Variants in SVOPL observed in about 807,000 individuals in gnomAD.
SVOPL encodes the protein putative transporter SVOPL.
In SVOPL, 60 loss-of-function variants were observed where a neutral mutation model predicts 61.0. The ratio of observed to expected loss-of-function variants is 0.98; its 90% CI spans 0.80 to 1.22. SVOPL has a LOEUF of 1.22. Among genes scored for constraint, SVOPL ranks in the 50% most tolerant of loss-of-function variants. The pLI, the probability that SVOPL is intolerant of heterozygous loss-of-function variation, is 0.00. For missense variants in SVOPL, 662 were observed against 643.9 expected (o/e 1.03, Z -0.30); for synonymous variants, 279 against 250.0 (o/e 1.12, Z -1.09).
intron 9 of SVOPL, among the ~76,000 whole-genome samples, chr7:138,641,835 ACATAT>A (rs1800814215): frequency 1.0e-4 from 2 of 20,070 alleles, no homozygotes; most frequent in Non-Finnish European, 2.7e-4. Flanking sequence ...TATATATATA[ACATAT>A]ATATATAACA....
intron 12 of SVOPL, among the ~76,000 whole-genome samples, chr7:138,626,684 A>G (rs1799906718): frequency 1.3e-5 from 2 of 151,936 alleles, no homozygotes; most frequent in Admixed American, 6.6e-5. Flanking sequence ...TGAGTCACCA[A>G]ATTTTTTTTC....
intron 1 of SVOPL, among the ~76,000 whole-genome samples, chr7:138,693,704 G>T (rs976572921): frequency 3.3e-5 from 5 of 151,040 alleles, no homozygotes; most frequent in African/African-American, 1.2e-4. Flanking sequence ...AGGAAGGGAG[G>T]CAGGGAGGGA....
At chr7:138,672,797 A>C (rs1048139643) in intron 3 of SVOPL, among the ~76,000 whole-genome samples, 8 of 151,878 alleles carry the variant, frequency 5.3e-5, no homozygotes, top group Non-Finnish European at 1.0e-4. Context: ...AGCCTAAGAA[A>C]ATGTGTATTT....
chr7:138,627,288 G>A (rs1421074511), intron 12 of SVOPL, 62 bp downstream of exon 12: 10 of 1,252,238 alleles, frequency 8.0e-6, no homozygotes, highest in Non-Finnish European at 1.0e-5. Context: ...TGAACACCAT[G>A]GGTCAGGAGA....
At chr7:138,635,304 T>C (rs1292471144) in intron 9 of SVOPL, among the ~76,000 whole-genome samples, 1 of 151,306 alleles carries the variant, frequency 6.6e-6, no homozygotes, top group Non-Finnish European at 1.5e-5. Flanking sequence ...GGTAAATTGC[T>C]TGTTATGTAT....
chr7:138,641,857 TA>T (rs1800818378), intron 9 of SVOPL, among the ~76,000 whole-genome samples: 1 of 145,116 alleles, frequency 6.9e-6, no homozygotes, highest in Non-Finnish European at 1.5e-5. Flanking sequence ...AACATATATA[TA>T]GTCAATGAGT....
chr7:138,620,124 G>T (rs2353827), intron 14 of SVOPL, among the ~76,000 whole-genome samples: 8,994 of 114,222 alleles, frequency 0.079, 480 homozygotes, highest in African/African-American at 0.16. Context: ...TTTCTGTTTT[G>T]TTTTTTTTTT....
chr7:138,665,626 A>G (rs1802231778), intron 4 of SVOPL, among the ~76,000 whole-genome samples: 1 of 152,186 alleles, frequency 6.6e-6, no homozygotes, highest in Non-Finnish European at 1.5e-5. Flanking sequence ...GTCATGTACT[A>G]TAAAAAACGG....
At chr7:138,651,914 T>C (rs1801456734) in intron 7 of SVOPL, among the ~76,000 whole-genome samples, 1 of 152,212 alleles carries the variant, frequency 6.6e-6, no homozygotes, top group South Asian at 2.1e-4. Flanking sequence ...TTTCTTTCTT[T>C]ACCGAGACAG....
intron 5 of SVOPL, chr7:138,660,672 T>TG: frequency 1.0e-6 from 1 of 985,440 alleles, no homozygotes; most frequent in Non-Finnish European, 1.2e-6. Flanking sequence ...ATGCCCTCTC[T>TG]GATATCTTTA....
chr7:138,675,985 C>T (rs1168321920), intron 3 of SVOPL, among the ~76,000 whole-genome samples: 3 of 152,152 alleles, frequency 2.0e-5, no homozygotes. Context: ...ATTACAGACA[C>T]ATGCCACCAC....
chr7:138,628,494 CACAGAG>C, intron 10 of SVOPL, 131 bp from the exon 11 acceptor site: 1 of 858,264 alleles, frequency 1.2e-6, no homozygotes, highest in South Asian at 1.7e-5. Context: ...TCAGACGCCA[CACAGAG>C]CATTCGTGGA....
intron 14 of SVOPL, among the ~76,000 whole-genome samples, chr7:138,618,489 G>A (rs563293888): frequency 2.0e-5 from 3 of 152,016 alleles, no homozygotes; most frequent in Non-Finnish European, 4.4e-5. Context: ...GCGAAACCCC[G>A]TCTCTACTAA....
At chr7:138,667,670 A>G (rs1802303214) in intron 4 of SVOPL, among the ~76,000 whole-genome samples, 2 of 152,148 alleles carry the variant, frequency 1.3e-5, no homozygotes, top group Admixed American at 1.3e-4. Context: ...TTTAAAAGAG[A>G]GTATAAATCC....
At chr7:138,604,306 A>C (rs1395294439) in intron 14 of SVOPL, among the ~76,000 whole-genome samples, 1 of 152,184 alleles carries the variant, frequency 6.6e-6, no homozygotes, top group Non-Finnish European at 1.5e-5. Flanking sequence ...TACTTCTATG[A>C]AGCTTTACAA....
chr7:138,635,098 C>T (rs1394575776), intron 9 of SVOPL, among the ~76,000 whole-genome samples: 1 of 151,930 alleles, frequency 6.6e-6, no homozygotes, highest in Non-Finnish European at 1.5e-5. Context: ...CATGGAGAAA[C>T]CCCATCTCTA....
rs780084942 is a variant in SVOPL, at chr7:138,628,371, A to T, written c.864-8T>A. On this transcript the variant is annotated splice_region_variant and splice_polypyrimidine_tract_variant and intron_variant, in intron 10 of 15. Transcript: ENST00000674285. ...GCAAAAGAGATTCCAAGCCTGGAAGAGAGAAAACAAAGTCACTAGCCAACG... is the reference window on the plus strand; with the variant it reads ...GCAAAAGAGATTCCAAGCCTGGAAGTGAGAAAACAAAGTCACTAGCCAACG... 8.1e-6 allele frequency: 13 copies of T among 1,613,466 alleles called. No homozygotes were observed. In the African/African-American group the frequency reaches 1.7e-4, roughly 22 times the overall value.
Position 138,679,099 on chromosome 7 carries a change from G to A in SVOPL, c.-34-20C>T, listed in dbSNP as rs2117122572. ...GCTTCCCTGGTGGAAGCAAGGGAGG[G>A]AAGAAGGAAAGAAATATAATGGTTA... On this transcript the variant is annotated intron_variant, in intron 1 of 15. Coordinates refer to ENST00000674285, the MANE Select transcript of SVOPL (RefSeq NM_001139456.2). 1 of 1,480,356 alleles carries A rather than the reference G, an allele frequency of 6.8e-7. No individual in the cohort carries two copies. The allele number at this position is 1,480,356 out of a possible 1,614,324, so 91.7% of individuals were successfully genotyped here.
chr7:138,644,365 A>G lies in SVOPL; in HGVS notation c.789+352T>C, dbSNP rs193164082. ...TATAGAAACTATTTCAGAGATATGA[A>G]AAAAGTCATGTAATGAGGTTTATAA... On this transcript the variant is annotated intron_variant, in intron 9 of 15. Transcript: ENST00000674285. 3.9e-5 allele frequency among the ~76,000 whole-genome samples: 6 copies of G among 152,312 alleles called. No individual in the cohort carries two copies. In the East Asian group the frequency reaches 5.8e-4, roughly 15 times the overall value.
Sources: allele counts gnomAD v4.1 joint callset (sites outside exome capture counted in the v4.1 genomes callset), GRCh38; gene constraint gnomAD v4.1.1; transcripts MANE v1.5; gene names NCBI Gene and HGNC (gene_info 2026-07-23, HGNC 2026-07-21).